Variants in UBE2D1 observed in about 807,000 individuals in gnomAD.
The protein encoded by UBE2D1 is ubiquitin-conjugating enzyme E2 D1.
In UBE2D1, 9 loss-of-function variants were observed where a neutral mutation model predicts 24.6. The ratio of observed to expected loss-of-function variants is 0.37; its 90% CI spans 0.22 to 0.64. The LOEUF is 0.64. Among genes scored for constraint, UBE2D1 ranks in the 30% least tolerant of loss-of-function variants. UBE2D1 has a pLI of 0.64. For synonymous variants in UBE2D1, 57 were observed against 57.6 expected (o/e 0.99, Z 0.04); for missense variants, 87 against 177.1 (o/e 0.49, Z 2.89).
intron 5 of UBE2D1, among the ~76,000 whole-genome samples, chr10:58,367,558 C>G (rs1840270093): frequency 6.6e-6 from 1 of 152,066 alleles, no homozygotes; most frequent in Non-Finnish European, 1.5e-5. Context: ...TGTATGAGCA[C>G]AGTATCCAAA....
At position 58,335,094 on chromosome 10, in the gene UBE2D1, C is replaced by G. The variant is rs1839885854; in HGVS notation, c.-108C>G. 4 of 1,257,342 alleles carry G rather than the reference C, an allele frequency of 3.2e-6. No homozygotes were observed. The highest frequency in any genetic ancestry group is 2.0e-5 in the Admixed American group (1 of 48,800). 77.9% of individuals were successfully genotyped at this position (1,257,342 alleles called of 1,614,324 possible). A position where few individuals can be genotyped will look rare whatever the true frequency, so the allele number is the denominator to read the frequency against. The stretch of plus-strand genomic sequence containing the variant: ...AGGGAGCGGCTAACCGGGGACCCAC[C>G]GCGCGGAGCCAGCCTAGCTGCCAGC... On this transcript the variant is annotated 5_prime_UTR_variant, in exon 1 of 7. Coordinates refer to ENST00000373910, the MANE Select transcript of UBE2D1 (RefSeq NM_003338.5).
At chr10:58,339,249 G>A (rs1839936156) in intron 1 of UBE2D1, among the ~76,000 whole-genome samples, 1 of 152,086 alleles carries the variant, frequency 6.6e-6, no homozygotes, top group African/African-American at 2.4e-5. Context: ...GGGACTACAG[G>A]CCTGCATCAC....
chr10:58,347,688 C>T (rs1341159621), intron 1 of UBE2D1, among the ~76,000 whole-genome samples: 1 of 137,452 alleles, frequency 7.3e-6, no homozygotes, highest in Non-Finnish European at 1.5e-5. Context: ...GCTCTTTTTG[C>T]CCAGGCTGGA....
intron 3 of UBE2D1, 146 bp downstream of exon 3, chr10:58,361,672 A>G: frequency 8.8e-7 from 1 of 1,138,260 alleles, no homozygotes; most frequent in Non-Finnish European, 1.2e-6. Context: ...AAGGATTTAC[A>G]ATGATTTTCC....
intron 1 of UBE2D1, 51 bp from the exon 2 acceptor site, chr10:58,361,287 T>C: frequency 6.3e-7 from 1 of 1,584,434 alleles, no homozygotes; most frequent in Non-Finnish European, 8.7e-7. Context: ...ATTACCCTTG[T>C]TTCATTGGGA....
In UBE2D1 at chr10:58,361,499, C is replaced by T. The variant is rs760337681; in HGVS notation, c.93C>T (p.Phe31=). 1 of 1,614,132 alleles carries T rather than the reference C, an allele frequency of 6.2e-7. No homozygotes were observed. Among genetic ancestry groups the T allele is most frequent in the Non-Finnish European group, 8.5e-7 (1 of 1,180,014 alleles). The change falls in exon 3 of 7, where the codon TTC becomes TTT. Residue 31 remains phenylalanine (F), a synonymous_variant. Transcript: ENST00000373910. ...AAACTCCTTTGTTTGTTTCAGTGTT[C>T]CACTGGCAAGCCACTATTATGGGGC... ...CSAGPVGDDL[F]HWQATIMGPP... is the part of the protein sequence containing the mutation.
At chr10:58,359,404 G>A (rs770746921) in intron 1 of UBE2D1, among the ~76,000 whole-genome samples, 11 of 152,074 alleles carry the variant, frequency 7.2e-5, no homozygotes, top group Non-Finnish European at 1.5e-4. Context: ...TTATTTTTGT[G>A]TGTTCCCACA....
At chr10:58,363,755 G>T in intron 4 of UBE2D1, 69 bp downstream of exon 4, 1 of 1,175,094 alleles carries the variant, frequency 8.5e-7, no homozygotes, top group South Asian at 1.3e-5. Context: ...GAGCTCATTT[G>T]ATTATCTAGA....
At chr10:58,356,385 T>C (rs1179383048) in intron 1 of UBE2D1, among the ~76,000 whole-genome samples, 2 of 152,172 alleles carry the variant, frequency 1.3e-5, no homozygotes, top group Non-Finnish European at 2.9e-5. Context: ...TACGTTCACT[T>C]AACATTTTTC....
chr10:58,364,080 T>A (rs1172620015), intron 4 of UBE2D1, among the ~76,000 whole-genome samples: 1 of 152,026 alleles, frequency 6.6e-6, no homozygotes, highest in Non-Finnish European at 1.5e-5. Context: ...CCTACTGTGT[T>A]CTTCTACACT....
chr10:58,350,096 G>C (rs1269903049), intron 1 of UBE2D1, among the ~76,000 whole-genome samples: 1 of 152,136 alleles, frequency 6.6e-6, no homozygotes, highest in African/African-American at 2.4e-5. Context: ...CTTCTGGTTT[G>C]GGGCTATTAC....
rs1314397565 is a variant in UBE2D1 at position 58,335,241 on chromosome 10, G to T, written c.24+16G>T. Reference sequence around the variant, plus strand: ...GATTCAGAAAGTGAGTGCCGGGGCCGGGCCTGGGGCTGCGGGGCAGCGGCC... The same window carrying T: ...GATTCAGAAAGTGAGTGCCGGGGCCTGGCCTGGGGCTGCGGGGCAGCGGCC... On this transcript the variant is annotated intron_variant, in intron 1 of 6. Coordinates refer to ENST00000373910, the MANE Select transcript of UBE2D1 (RefSeq NM_003338.5). 1.3e-6 allele frequency: 2 copies of T among 1,529,396 alleles called. No homozygotes were observed. Among genetic ancestry groups the T allele is most frequent in the East Asian group, 2.6e-5 (1 of 38,498 alleles). 94.7% of individuals were successfully genotyped at this position (1,529,396 alleles called of 1,614,324 possible). A position where few individuals can be genotyped will look rare whatever the true frequency, so the allele number is the denominator to read the frequency against.
chr10:58,359,013 T>TAAA lies in UBE2D1; in HGVS notation c.25-2308_25-2306dup, dbSNP rs35713196. ...AGGAAGAGAAACCGCACCAGCTATT[T>TAAA]AAAAAAAAAAAAAAAAAAAGCAAAA... On this transcript the variant is annotated intron_variant, in intron 1 of 6. Coordinates refer to ENST00000373910, the MANE Select transcript of UBE2D1 (RefSeq NM_003338.5). 7.5e-3 allele frequency among the ~76,000 whole-genome samples: 861 copies of TAAA among 115,094 alleles called. 10 individuals are homozygous for TAAA. Among genetic ancestry groups the TAAA allele is most frequent in the African/African-American group, 0.027 (808 of 29,458 alleles). The allele number at this position is 115,094 out of a possible 152,430, so 75.5% of individuals were successfully genotyped here.
chr10:58,335,464 C>G (rs1020736772), intron 1 of UBE2D1, among the ~76,000 whole-genome samples: 14 of 152,202 alleles, frequency 9.2e-5, no homozygotes, highest in Non-Finnish European at 1.5e-4. Flanking sequence ...GCGTTCGCGC[C>G]GGAGCCGCTC....
intron 5 of UBE2D1, among the ~76,000 whole-genome samples, chr10:58,366,035 T>G (rs769007711): frequency 2.0e-5 from 3 of 152,206 alleles, no homozygotes; most frequent in African/African-American, 2.4e-5. Flanking sequence ...CTCATATTCT[T>G]TTAAGAATCT....
intron 6 of UBE2D1, chr10:58,368,237 A>G (rs1284735277): frequency 5.3e-6 from 2 of 377,522 alleles, no homozygotes; most frequent in Admixed American, 4.1e-5. Context: ...TATACTCTGT[A>G]TTTGAAAAAT....
intron 1 of UBE2D1, among the ~76,000 whole-genome samples, chr10:58,342,266 A>G (rs955755268): frequency 5.9e-5 from 9 of 151,978 alleles, no homozygotes; most frequent in African/African-American, 1.2e-4. Context: ...TGTATTTCCC[A>G]CTGTCCTCTA....
chr10:58,346,879 G>A (rs1236082534), intron 1 of UBE2D1, among the ~76,000 whole-genome samples: 1 of 152,188 alleles, frequency 6.6e-6, no homozygotes, highest in Non-Finnish European at 1.5e-5. Flanking sequence ...AAGCTACAGT[G>A]TTAGCAGAGG....
chr10:58,352,536 C>T (rs976369654), intron 1 of UBE2D1, among the ~76,000 whole-genome samples: 2 of 151,854 alleles, frequency 1.3e-5, no homozygotes, highest in African/African-American at 4.8e-5. Flanking sequence ...ATTGCTTGAG[C>T]GCAGGAGTTT....
Sources: gnomAD v4.1 joint callset for allele counts (sites outside exome capture counted in the v4.1 genomes callset) on GRCh38, gnomAD v4.1.1 for gene constraint, MANE v1.5 for transcripts, NCBI Gene and HGNC (gene_info 2026-07-23, HGNC 2026-07-21) for gene names.